CRPPA: variants seen among roughly 807,000 people sequenced by gnomAD.
The protein encoded by CRPPA is D-ribitol-5-phosphate cytidylyltransferase.
CRPPA carries 43 observed loss-of-function variants against 52.0 expected under a neutral mutation model. That is an observed-to-expected ratio of 0.83 (90% CI 0.65 to 1.07). The LOEUF is 1.07. CRPPA is among the 50% of genes least tolerant of loss of function. The pLI is 0.00. For synonymous variants in CRPPA, 250 were observed against 203.5 expected (o/e 1.23, Z -1.94); for missense variants, 629 against 551.7 (o/e 1.14, Z -1.40).
intron 9 of CRPPA, among the ~76,000 whole-genome samples, chr7:16,150,879 G>C (rs1783064247): frequency 6.6e-6 from 1 of 152,146 alleles, no homozygotes; most frequent in South Asian, 2.1e-4. Flanking sequence ...TTTTTTATAA[G>C]AAACCCACTC....
At chr7:16,158,072 G>C (rs1418986006) in intron 9 of CRPPA, among the ~76,000 whole-genome samples, 3 of 148,708 alleles carry the variant, frequency 2.0e-5, no homozygotes. Flanking sequence ...TTTTAGTAGA[G>C]ACGGGGTTTC....
intron 3 of CRPPA, among the ~76,000 whole-genome samples, chr7:16,333,269 A>T (rs556459403): frequency 3.3e-5 from 5 of 152,336 alleles, no homozygotes; most frequent in African/African-American, 1.2e-4. Flanking sequence ...AATCAACAGA[A>T]TAGAATTGAT....
At chr7:16,259,521 G>C (rs1002518886) in intron 6 of CRPPA, among the ~76,000 whole-genome samples, 8 of 151,982 alleles carry the variant, frequency 5.3e-5, no homozygotes, top group Non-Finnish European at 4.4e-5. Flanking sequence ...TCCTAAAACT[G>C]TCGGGAACTT....
chr7:16,093,959 C>T (rs1214245494), intron 9 of CRPPA, among the ~76,000 whole-genome samples: 1 of 152,064 alleles, frequency 6.6e-6, no homozygotes, highest in African/African-American at 2.4e-5. Context: ...TCTATCACCC[C>T]GTTGAAACCA....
chr7:16,200,193 C>T (rs538963782), intron 9 of CRPPA, among the ~76,000 whole-genome samples: 18 of 152,254 alleles, frequency 1.2e-4, no homozygotes, highest in Admixed American at 2.6e-4. Flanking sequence ...TTTGCTTCTA[C>T]GGACGTTACT....
chr7:16,145,767 T>C (rs1272367429), intron 9 of CRPPA, among the ~76,000 whole-genome samples: 2 of 151,788 alleles, frequency 1.3e-5, no homozygotes, highest in Non-Finnish European at 2.9e-5. Flanking sequence ...CATTTAAAAT[T>C]ACTCACAGGA....
intron 9 of CRPPA, among the ~76,000 whole-genome samples, chr7:16,114,367 G>A (rs1034369856): frequency 6.6e-6 from 1 of 151,296 alleles, no homozygotes; most frequent in African/African-American, 2.4e-5. Context: ...CAAAGTAACT[G>A]CAAGTTAAAG....
At chr7:16,202,058 T>C (rs973440336) in intron 9 of CRPPA, among the ~76,000 whole-genome samples, 11 of 152,304 alleles carry the variant, frequency 7.2e-5, no homozygotes, top group South Asian at 6.2e-4. Flanking sequence ...TTTATCATGA[T>C]TGGTGCTGAA....
At chr7:16,394,152 C>T (rs925457230) in intron 2 of CRPPA, among the ~76,000 whole-genome samples, 2 of 151,990 alleles carry the variant, frequency 1.3e-5, no homozygotes, top group African/African-American at 4.8e-5. Flanking sequence ...CATGTCAGAA[C>T]TGTAGAGAAA....
At chr7:16,180,507 C>G (rs1238248217) in intron 9 of CRPPA, among the ~76,000 whole-genome samples, 1 of 152,004 alleles carries the variant, frequency 6.6e-6, no homozygotes, top group Non-Finnish European at 1.5e-5. Flanking sequence ...GTAGTTTCAT[C>G]GATCTAGGCA....
At chr7:16,327,460 G>T (rs1785435585) in intron 3 of CRPPA, among the ~76,000 whole-genome samples, 1 of 151,974 alleles carries the variant, frequency 6.6e-6, no homozygotes, top group Non-Finnish European at 1.5e-5. Flanking sequence ...GGGCGCGGTG[G>T]CGGGCGCCTG....
At chr7:16,125,422 A>G (rs575933130) in intron 9 of CRPPA, among the ~76,000 whole-genome samples, 1 of 152,132 alleles carries the variant, frequency 6.6e-6, no homozygotes, top group Non-Finnish European at 1.5e-5. Flanking sequence ...TTTATATAGC[A>G]TACAATTTAT....
chr7:16,158,128 C>T (rs1783225764), intron 9 of CRPPA, among the ~76,000 whole-genome samples: 1 of 151,670 alleles, frequency 6.6e-6, no homozygotes, highest in Non-Finnish European at 1.5e-5. Flanking sequence ...TCGTGATCCG[C>T]CCACTTCGGC....
rs1254065820 is a variant in CRPPA, at chr7:16,089,587, A to G, written c.*2108T>C. The G allele has an allele frequency of 4.3e-6, 1 of 230,520 alleles. No individual in the cohort carries two copies. The highest frequency in any genetic ancestry group is 9.5e-6 in the Non-Finnish European group (1 of 105,216). 14.3% of individuals were successfully genotyped at this position (230,520 alleles called of 1,614,324 possible). On this transcript the variant is annotated 3_prime_UTR_variant, in exon 10 of 10. Transcript: ENST00000407010. ...TATACATATATATGGGTATACATGC[A>G]TGTATATACATATATATGGGTATAC...
At chr7:16,231,245 C>G (rs146257706) in intron 8 of CRPPA, among the ~76,000 whole-genome samples, 53 of 152,288 alleles carry the variant, frequency 3.5e-4, no homozygotes, top group African/African-American at 1.3e-3. Flanking sequence ...TATTTTCTTA[C>G]TACCATGCTA....
intron 6 of CRPPA, chr7:16,276,491 T>C (rs1386946083): frequency 1.3e-5 from 2 of 152,208 alleles, no homozygotes; most frequent in South Asian, 2.1e-4. Flanking sequence ...CAAAAGAAAA[T>C]AGACTGGCAT....
chr7:16,378,955 G>T (rs866862580), intron 2 of CRPPA, among the ~76,000 whole-genome samples: 9 of 151,684 alleles, frequency 5.9e-5, no homozygotes, highest in South Asian at 4.2e-4. Flanking sequence ...TTTTGATGGG[G>T]TTGTTTTTTT....
At chr7:16,217,685 G>C (rs1326003276) in intron 8 of CRPPA, among the ~76,000 whole-genome samples, 1 of 142,818 alleles carries the variant, frequency 7.0e-6, no homozygotes, top group Non-Finnish European at 1.5e-5. Context: ...GGAAGAAAGG[G>C]TATCAGCAAT....
chr7:16,224,586 T>C (rs543873585), intron 8 of CRPPA, among the ~76,000 whole-genome samples: 1 of 152,106 alleles, frequency 6.6e-6, no homozygotes, highest in African/African-American at 2.4e-5. Context: ...AATTGGTAGA[T>C]AAACCAGAGA....
Sources: allele counts gnomAD v4.1 joint callset (sites outside exome capture counted in the v4.1 genomes callset), GRCh38; gene constraint gnomAD v4.1.1; transcripts MANE v1.5; gene names NCBI Gene and HGNC (gene_info 2026-07-23, HGNC 2026-07-21).